The following NRXN3 variants were observed in gnomAD, a reference collection of about 807,000 sequenced individuals.
NRXN3 encodes neurexin III.
In NRXN3, 32 loss-of-function variants were observed where a neutral mutation model predicts 137.6. The observed-to-expected ratio is 0.23, with a 90% confidence interval of 0.18 to 0.31. The LOEUF (loss-of-function observed/expected upper bound fraction) is 0.31. Ranked by LOEUF, NRXN3 falls within the 10% of genes least tolerant of loss-of-function variation. NRXN3 has a pLI of 1.00. For synonymous variants in NRXN3, 798 were observed against 784.5 expected (o/e 1.02, Z -0.29); for missense variants, 1,574 against 2,062.5 (o/e 0.76, Z 4.59).
At chr14:78,517,883 C>T (rs1229627047) in intron 4 of NRXN3, among the ~76,000 whole-genome samples, 1 of 152,112 alleles carries the variant, frequency 6.6e-6, no homozygotes, top group African/African-American at 2.4e-5. Context: ...AAAGCTTGTT[C>T]AAAATCTGTA....
At chr14:78,255,673 G>T (rs1208522010) in intron 2 of NRXN3, among the ~76,000 whole-genome samples, 2 of 152,204 alleles carry the variant, frequency 1.3e-5, no homozygotes, top group Non-Finnish European at 2.9e-5. Flanking sequence ...AAGGGTGGAG[G>T]ACTCTGTTTC....
intron 6 of NRXN3, 23 bp from the exon 7 acceptor site, chr14:78,709,194 C>A: frequency 6.3e-7 from 1 of 1,590,232 alleles, no homozygotes. Flanking sequence ...ATTCACATGG[C>A]ACTTTTGTTT....
intron 15 of NRXN3, among the ~76,000 whole-genome samples, chr14:79,430,422 G>A (rs2095731514): frequency 6.6e-6 from 1 of 152,104 alleles, no homozygotes; most frequent in African/African-American, 2.4e-5. Flanking sequence ...AGGTTTATTT[G>A]TGCAAATGGT....
At chr14:79,268,417 T>C (rs1160654632) in intron 15 of NRXN3, among the ~76,000 whole-genome samples, 1 of 152,232 alleles carries the variant, frequency 6.6e-6, no homozygotes, top group East Asian at 1.9e-4. Flanking sequence ...GTATGGTAGT[T>C]CTGCTTCTCT....
chr14:79,597,031 C>CA (rs2097865076), intron 16 of NRXN3, among the ~76,000 whole-genome samples: 1 of 152,160 alleles, frequency 6.6e-6, no homozygotes, highest in Non-Finnish European at 1.5e-5. Context: ...CCCTACCTGG[C>CA]AAAGGGAAGA....
intron 15 of NRXN3, among the ~76,000 whole-genome samples, chr14:79,307,782 TTCTC>T (rs1007483013): frequency 2.6e-5 from 4 of 151,938 alleles, no homozygotes; most frequent in Non-Finnish European, 5.9e-5. Context: ...CTCTCTCTCT[TTCTC>T]TCTTTCTTTA....
chr14:79,358,879 G>T (rs1216299776), intron 15 of NRXN3, among the ~76,000 whole-genome samples: 1 of 152,054 alleles, frequency 6.6e-6, no homozygotes, highest in Non-Finnish European at 1.5e-5. Context: ...ACTTAAAAGA[G>T]AAAAAATTAT....
intron 15 of NRXN3, among the ~76,000 whole-genome samples, chr14:79,455,336 T>C (rs2096244098): frequency 6.6e-6 from 1 of 152,208 alleles, no homozygotes; most frequent in Non-Finnish European, 1.5e-5. Flanking sequence ...CATTGAAAGT[T>C]AGGATTTCAA....
intron 4 of NRXN3, among the ~76,000 whole-genome samples, chr14:78,589,375 G>C (rs1399242981): frequency 1.3e-5 from 2 of 152,172 alleles, no homozygotes; most frequent in African/African-American, 4.8e-5. Flanking sequence ...CTCATAAGAA[G>C]ACTTCTGTGC....
At chr14:78,700,602 T>A (rs998394251) in intron 6 of NRXN3, among the ~76,000 whole-genome samples, 5 of 152,164 alleles carry the variant, frequency 3.3e-5, no homozygotes, top group Non-Finnish European at 7.3e-5. Context: ...AGTTCATGTC[T>A]TATGTCTCTG....
chr14:78,396,207 A>G (rs1489904358), intron 4 of NRXN3, among the ~76,000 whole-genome samples: 1 of 151,912 alleles, frequency 6.6e-6, no homozygotes, highest in African/African-American at 2.4e-5. Context: ...ATCATAGTCT[A>G]CTAGTCTCAT....
At chr14:79,457,735 G>C (rs2096275810) in intron 15 of NRXN3, among the ~76,000 whole-genome samples, 1 of 152,140 alleles carries the variant, frequency 6.6e-6, no homozygotes. Context: ...TTAAATCAAA[G>C]CACTGGAAAT....
At chr14:78,583,061 G>A (rs1018594416) in intron 4 of NRXN3, among the ~76,000 whole-genome samples, 2 of 152,044 alleles carry the variant, frequency 1.3e-5, no homozygotes, top group Non-Finnish European at 2.9e-5. Flanking sequence ...TCTCATTAGG[G>A]CCTCTGGGAT....
chr14:78,411,699 T>G (rs35575369), intron 4 of NRXN3, among the ~76,000 whole-genome samples: 19,845 of 152,166 alleles, frequency 0.13, 1,694 homozygotes, highest in African/African-American at 0.23. Flanking sequence ...AAATTGCTCA[T>G]ACGTATACAT....
intron 4 of NRXN3, among the ~76,000 whole-genome samples, chr14:78,560,160 T>G (rs2152264094): frequency 6.6e-6 from 1 of 152,350 alleles, no homozygotes; most frequent in South Asian, 2.1e-4. Flanking sequence ...ATCGGTTTAT[T>G]TTTTTCTTTT....
chr14:78,354,153 A>C (rs1481705690), intron 4 of NRXN3, among the ~76,000 whole-genome samples: 1 of 152,244 alleles, frequency 6.6e-6, no homozygotes, highest in Admixed American at 6.5e-5. Context: ...TCCATTTGAA[A>C]TACGAATGAT....
intron 15 of NRXN3, among the ~76,000 whole-genome samples, chr14:79,352,635 A>G (rs2093265443): frequency 1.3e-5 from 2 of 152,158 alleles, no homozygotes; most frequent in African/African-American, 4.8e-5. Context: ...ACAGAATAAA[A>G]ATTAATTGGT....
Position 78,967,064 on chromosome 14 carries a change from C to T in NRXN3, c.2778-144C>T, listed in dbSNP as rs144938662. 1,932 of 666,242 alleles carry T rather than the reference C, an allele frequency of 2.9e-3. 5 individuals carry two copies. The highest frequency in any genetic ancestry group is 4.2e-3 in the Non-Finnish European group (1,686 of 398,468). 41.3% of individuals were successfully genotyped at this position (666,242 alleles called of 1,614,324 possible). On this transcript the variant is annotated intron_variant, in intron 12 of 20. Transcript: ENST00000335750. The stretch of plus-strand genomic sequence containing the variant: ...GAATAAAATCTGACTATTCTTGTAA[C>T]CTCATATCAAGATTTAAATTATTCC...
intron 10 of NRXN3, among the ~76,000 whole-genome samples, chr14:78,888,263 A>T (rs2099149231): frequency 2.0e-5 from 3 of 152,024 alleles, no homozygotes. Context: ...CATGTCCCCT[A>T]AAGGAGGTTT....
Sources: allele counts gnomAD v4.1 joint callset (sites outside exome capture counted in the v4.1 genomes callset), GRCh38; gene constraint gnomAD v4.1.1; transcripts MANE v1.5; gene names NCBI Gene and HGNC (gene_info 2026-07-23, HGNC 2026-07-21).